Variants in MAML3 observed in about 807,000 individuals in gnomAD.
MAML3 encodes mastermind like transcriptional coactivator 3, also known as mastermind-like protein 3.
Under a neutral mutation model 101.9 loss-of-function variants are expected in MAML3, and 27 were observed. That is an observed-to-expected ratio of 0.27 (90% CI 0.20 to 0.37). MAML3 has a LOEUF of 0.37. Among genes scored for constraint, MAML3 ranks in the 10% least tolerant of loss-of-function variants. The probability of loss-of-function intolerance (pLI) is 1.00; values close to 1 mark genes in which losing one functional copy is unlikely to be tolerated. For missense variants in MAML3, 1,316 were observed against 1,444.9 expected (o/e 0.91, Z 1.45); for synonymous variants, 501 against 555.9 (o/e 0.90, Z 1.39).
In MAML3 at chr4:139,977,692, G is replaced by A. The variant is rs571709279; in HGVS notation, c.469-86725C>T. Among the ~76,000 whole-genome samples the A allele has an allele frequency of 2.0e-5, 3 of 152,122 alleles. No homozygotes were observed. The South Asian group carries it at 6.2e-4, about 32-fold the overall frequency. ...GTTCGAGACCAGCCCAGCCAACATG[G>A]TGAAACCCCGTCTCTACTAAAAATA... On this transcript the variant is annotated intron_variant, in intron 1 of 4. Transcript: ENST00000509479.
At chr4:139,950,544 C>T (rs946632731) in intron 1 of MAML3, among the ~76,000 whole-genome samples, 6 of 152,292 alleles carry the variant, frequency 3.9e-5, no homozygotes, top group South Asian at 2.1e-4. Context: ...AGTAGAGAGT[C>T]CTGTAGATCA....
intron 1 of MAML3, among the ~76,000 whole-genome samples, chr4:140,115,453 G>T (rs1728502716): frequency 6.6e-6 from 1 of 152,138 alleles, no homozygotes; most frequent in Non-Finnish European, 1.5e-5. Flanking sequence ...TTTTTATGTG[G>T]TCATGCAAAT....
At chr4:139,981,330 C>A (rs991847215) in intron 1 of MAML3, among the ~76,000 whole-genome samples, 3 of 152,158 alleles carry the variant, frequency 2.0e-5, no homozygotes, top group South Asian at 2.1e-4. Flanking sequence ...CTCTTTAAAG[C>A]CCTTATATGC....
intron 1 of MAML3, among the ~76,000 whole-genome samples, chr4:140,129,965 CAAA>C (rs546032082): frequency 1.8e-5 from 2 of 112,768 alleles, no homozygotes; most frequent in Non-Finnish European, 1.8e-5. Flanking sequence ...AACTCCGTCT[CAAA>C]AAAAAAAAAA....
intron 1 of MAML3, among the ~76,000 whole-genome samples, chr4:140,067,637 A>T (rs1727563056): frequency 6.6e-6 from 1 of 152,198 alleles, no homozygotes; most frequent in Non-Finnish European, 1.5e-5. Context: ...GATAATAAAT[A>T]TAACATAAGT....
chr4:139,881,644 A>G (rs572173614), intron 2 of MAML3, among the ~76,000 whole-genome samples: 1 of 152,372 alleles, frequency 6.6e-6, no homozygotes, highest in East Asian at 1.9e-4. Flanking sequence ...AAAAACAAGC[A>G]TATGAAAAAA....
intron 1 of MAML3, among the ~76,000 whole-genome samples, chr4:139,923,208 C>T (rs1733158363): frequency 6.6e-6 from 1 of 152,144 alleles, no homozygotes; most frequent in Non-Finnish European, 1.5e-5. Flanking sequence ...CTCCAGCTCC[C>T]CACACCCCGG....
At chr4:139,976,140 A>T (rs1734335649) in intron 1 of MAML3, among the ~76,000 whole-genome samples, 1 of 152,232 alleles carries the variant, frequency 6.6e-6, no homozygotes, top group Admixed American at 6.5e-5. Context: ...CTTTTAAGGC[A>T]ACTTCAGCCT....
chr4:139,935,365 C>T (rs1233006967), intron 1 of MAML3, among the ~76,000 whole-genome samples: 1 of 152,064 alleles, frequency 6.6e-6, no homozygotes, highest in Non-Finnish European at 1.5e-5. Flanking sequence ...ATTGAATTAT[C>T]TTTAAAGTTA....
At chr4:139,820,483 T>C (rs552595902) in intron 2 of MAML3, among the ~76,000 whole-genome samples, 22 of 152,350 alleles carry the variant, frequency 1.4e-4, no homozygotes, top group African/African-American at 4.3e-4. Context: ...AGATTAGTTA[T>C]GGAAACTAAT....
intron 1 of MAML3, among the ~76,000 whole-genome samples, chr4:140,031,797 T>C (rs1726911988): frequency 6.6e-6 from 1 of 152,210 alleles, no homozygotes; most frequent in Admixed American, 6.5e-5. Flanking sequence ...CCAAGGTGCA[T>C]CTGAAAAATT....
At chr4:139,902,253 GCACACA>G (rs1248333692) in intron 1 of MAML3, among the ~76,000 whole-genome samples, 23 of 52,282 alleles carry the variant, frequency 4.4e-4, no homozygotes, top group Admixed American at 2.7e-3. Flanking sequence ...GCACGCACAC[GCACACA>G]CACGCACACA....
intron 1 of MAML3, among the ~76,000 whole-genome samples, chr4:139,967,574 A>G (rs988772489): frequency 6.6e-6 from 1 of 151,970 alleles, no homozygotes; most frequent in African/African-American, 2.4e-5. Flanking sequence ...GGTTGCATAC[A>G]TAAGGCGGTG....
intron 2 of MAML3, among the ~76,000 whole-genome samples, chr4:139,758,792 G>A (rs1428793080): frequency 6.6e-6 from 1 of 152,160 alleles, no homozygotes; most frequent in Non-Finnish European, 1.5e-5. Context: ...TCTTCCTCAA[G>A]GCTTTTCCTG....
intron 1 of MAML3, among the ~76,000 whole-genome samples, chr4:140,121,257 C>T (rs1403532441): frequency 6.6e-6 from 1 of 152,166 alleles, no homozygotes; most frequent in African/African-American, 2.4e-5. Flanking sequence ...ATTTCACTGG[C>T]ACTTACCATG....
At chr4:139,954,832 A>G (rs757162870) in intron 1 of MAML3, among the ~76,000 whole-genome samples, 1 of 152,204 alleles carries the variant, frequency 6.6e-6, no homozygotes, top group South Asian at 2.1e-4. Context: ...TGATGTGATC[A>G]TAACGTAGTT....
At position 139,718,175 on chromosome 4, in the gene MAML3, G is replaced by A. The variant is rs1728069143; in HGVS notation, c.*1148C>T. On this transcript the variant is annotated 3_prime_UTR_variant, in exon 5 of 5. Coordinates refer to ENST00000509479, the MANE Select transcript of MAML3 (RefSeq NM_018717.5). ...CCTGGGGATATCAGAAATATCAGAT[G>A]TGGCTCACAAAAAACCGACTCCCAA... The A allele has an allele frequency of 6.6e-6, 1 of 152,222 alleles. No individual in the cohort carries two copies. Among genetic ancestry groups the A allele is most frequent in the Non-Finnish European group, 1.5e-5 (1 of 68,064 alleles). The allele number at this position is 152,222 out of a possible 1,614,324, so 9.4% of individuals were successfully genotyped here.
At chr4:139,786,233 G>A (rs930468178) in intron 2 of MAML3, among the ~76,000 whole-genome samples, 1 of 151,946 alleles carries the variant, frequency 6.6e-6, no homozygotes, top group African/African-American at 2.4e-5. Flanking sequence ...AGAGCTGTGA[G>A]AAAATAAATG....
At chr4:139,846,610 A>T (rs990321234) in intron 2 of MAML3, among the ~76,000 whole-genome samples, 15 of 152,196 alleles carry the variant, frequency 9.9e-5, no homozygotes, top group Non-Finnish European at 1.9e-4. Context: ...GGCCTCCCAA[A>T]GTGCAGGGAT....
Sources: allele counts gnomAD v4.1 joint callset (sites outside exome capture counted in the v4.1 genomes callset), GRCh38; gene constraint gnomAD v4.1.1; transcripts MANE v1.5; gene names NCBI Gene and HGNC (gene_info 2026-07-23, HGNC 2026-07-21).